Variants in KIAA1549L observed in about 807,000 individuals in gnomAD.
The protein encoded by KIAA1549L is KIAA1549 like, also known as UPF0606 protein KIAA1549L.
KIAA1549L carries 88 observed loss-of-function variants against 160.7 expected under a neutral mutation model. That is an observed-to-expected ratio of 0.55 (90% confidence interval 0.46 to 0.65). The LOEUF (loss-of-function observed/expected upper bound fraction) is 0.65. KIAA1549L is among the 30% of genes least tolerant of loss of function. The probability of loss-of-function intolerance (pLI) is 0.00; values close to 1 mark genes in which losing one functional copy is unlikely to be tolerated. For synonymous variants in KIAA1549L, 950 were observed against 976.7 expected (o/e 0.97, Z 0.51); for missense variants, 2,258 against 2,437.5 (o/e 0.93, Z 1.55).
At chr11:33,625,479 T>A (rs1390079524) in intron 16 of KIAA1549L, among the ~76,000 whole-genome samples, 10 of 152,228 alleles carry the variant, frequency 6.6e-5, no homozygotes, top group Non-Finnish European at 7.3e-5. Flanking sequence ...TATCTCATTG[T>A]GGTTTTGATT....
At chr11:33,494,754 G>A (rs567479489) in intron 1 of KIAA1549L, among the ~76,000 whole-genome samples, 68 of 152,294 alleles carry the variant, frequency 4.5e-4, no homozygotes, top group African/African-American at 1.5e-3. Context: ...GAGCCACTTT[G>A]GCTCGATGCT....
At chr11:33,613,901 C>T (rs551824842) in intron 15 of KIAA1549L, among the ~76,000 whole-genome samples, 2 of 152,314 alleles carry the variant, frequency 1.3e-5, no homozygotes, top group African/African-American at 4.8e-5. Flanking sequence ...TACCCAGAGA[C>T]ACAAAGTACA....
At chr11:33,379,529 C>T (rs1246733885) in intron 1 of KIAA1549L, among the ~76,000 whole-genome samples, 1 of 152,200 alleles carries the variant, frequency 6.6e-6, no homozygotes, top group East Asian at 1.9e-4. Flanking sequence ...GCCATCCAGG[C>T]TCCAGGCAAA....
intron 1 of KIAA1549L, among the ~76,000 whole-genome samples, chr11:33,449,262 GA>G (rs1851674738): frequency 6.6e-6 from 1 of 151,532 alleles, no homozygotes; most frequent in African/African-American, 2.4e-5. Context: ...GTGATCTCTA[GA>G]GATTGTTTCT....
chr11:33,441,653 C>T (rs1851509067), intron 1 of KIAA1549L, among the ~76,000 whole-genome samples: 2 of 152,126 alleles, frequency 1.3e-5, no homozygotes, highest in African/African-American at 2.4e-5. Flanking sequence ...TTTTGATTTG[C>T]ATTTCTCTGA....
intron 15 of KIAA1549L, among the ~76,000 whole-genome samples, chr11:33,614,889 G>T (rs1850769117): frequency 6.6e-6 from 1 of 151,566 alleles, no homozygotes; most frequent in Non-Finnish European, 1.5e-5. Flanking sequence ...GGGATTACAG[G>T]CATGAGCCAC....
At chr11:33,491,603 A>G (rs1397352237) in intron 1 of KIAA1549L, among the ~76,000 whole-genome samples, 1 of 152,224 alleles carries the variant, frequency 6.6e-6, no homozygotes, top group Non-Finnish European at 1.5e-5. Flanking sequence ...AAGCTAAAAA[A>G]AATAAAACTA....
intron 1 of KIAA1549L, among the ~76,000 whole-genome samples, chr11:33,504,152 T>C (rs2133092659): frequency 6.6e-6 from 1 of 152,042 alleles, no homozygotes; most frequent in African/African-American, 2.4e-5. Flanking sequence ...TCCCAGCTAC[T>C]CGGGAGGCTG....
intron 13 of KIAA1549L, among the ~76,000 whole-genome samples, chr11:33,600,575 T>G (rs1411120006): frequency 7.1e-6 from 1 of 140,524 alleles, no homozygotes; most frequent in Non-Finnish European, 1.5e-5. Flanking sequence ...CCTTCCTTCC[T>G]TCCTTTATAT....
At chr11:33,438,449 G>A (rs1476295966) in intron 1 of KIAA1549L, among the ~76,000 whole-genome samples, 1 of 152,214 alleles carries the variant, frequency 6.6e-6, no homozygotes, top group Non-Finnish European at 1.5e-5. Context: ...CAGCTTTGGG[G>A]TATGGAAGCC....
At chr11:33,420,230 T>G (rs1203881749) in intron 1 of KIAA1549L, among the ~76,000 whole-genome samples, 2 of 73,954 alleles carry the variant, frequency 2.7e-5, no homozygotes, top group African/African-American at 5.1e-5. Flanking sequence ...CAAAGTTTTT[T>G]TTTTGTTTTT....
intron 1 of KIAA1549L, among the ~76,000 whole-genome samples, chr11:33,498,115 C>T (rs371721518): frequency 6.6e-6 from 1 of 152,042 alleles, no homozygotes; most frequent in Non-Finnish European, 1.5e-5. Flanking sequence ...ATAGGGAGAC[C>T]CAGTCTCTAC....
At chr11:33,433,115 A>G (rs914545068) in intron 1 of KIAA1549L, among the ~76,000 whole-genome samples, 3 of 152,264 alleles carry the variant, frequency 2.0e-5, no homozygotes, top group Non-Finnish European at 2.9e-5. Flanking sequence ...TCTGCACAGC[A>G]AAAGAAACTA....
chr11:33,500,458 A>C (rs1852921968), intron 1 of KIAA1549L, among the ~76,000 whole-genome samples: 1 of 152,184 alleles, frequency 6.6e-6, no homozygotes, highest in African/African-American at 2.4e-5. Context: ...CCAACTTATG[A>C]AATATTCTTC....
chr11:33,525,004 G>A (rs943980828), intron 1 of KIAA1549L, among the ~76,000 whole-genome samples: 12 of 152,194 alleles, frequency 7.9e-5, no homozygotes. Context: ...AACTTCCAGA[G>A]AAGACAGAAA....
rs1467953145 is a variant in KIAA1549L, at chr11:33,583,355, C to G, written c.4420C>G (p.Pro1474Ala). The change falls in exon 11 of 21, where the codon CCC becomes GCC. Residue 1474 changes from proline to alanine, a missense_variant. Around this residue, in one of 6 missense-constraint regions of KIAA1549L, gnomAD observed 1,359 missense variants for 1,546.6 expected, o/e 0.88. Transcript: ENST00000658780. ...TCCCACAGCCGTGGTGAAGAACCCG[C>G]CCAATAACCTGTGGATCATCGCTGC... ...LQADPVVKNP[P>A]NNLWIIAAVL... 1.9e-6 allele frequency: 3 copies of G among 1,605,808 alleles called. No individual in the cohort carries two copies. In the East Asian group the frequency reaches 6.7e-5, roughly 36 times the overall value.
chr11:33,472,779 A>G (rs984248448), intron 1 of KIAA1549L, among the ~76,000 whole-genome samples: 6 of 152,146 alleles, frequency 3.9e-5, no homozygotes, highest in African/African-American at 1.4e-4. Flanking sequence ...TATTATATCC[A>G]TGTTTCTCAT....
chr11:33,522,861 T>C (rs1043256653), intron 1 of KIAA1549L, among the ~76,000 whole-genome samples: 2 of 150,642 alleles, frequency 1.3e-5, no homozygotes, highest in African/African-American at 4.9e-5. Flanking sequence ...ATTGCGCCAC[T>C]AAATTCCAGC....
chr11:33,515,279 TTC>T (rs956167113), intron 1 of KIAA1549L, among the ~76,000 whole-genome samples: 1 of 152,142 alleles, frequency 6.6e-6, no homozygotes, highest in Non-Finnish European at 1.5e-5. Flanking sequence ...ACCTGTTCTG[TTC>T]TCTCTCTCTC....
Sources: allele counts gnomAD v4.1 joint callset (sites outside exome capture counted in the v4.1 genomes callset), GRCh38; gene constraint gnomAD v4.1.1; regional missense constraint gnomAD v4.1.1; transcripts MANE v1.5; gene names NCBI Gene and HGNC (gene_info 2026-07-23, HGNC 2026-07-21).